Variants in GRIN3A observed in about 807,000 individuals in gnomAD.
GRIN3A encodes the protein glutamate receptor ionotropic, NMDA 3A.
A neutral mutation model predicts 92.4 loss-of-function variants in GRIN3A; 47 were observed. The ratio of observed to expected loss-of-function variants is 0.51; its 90% CI spans 0.40 to 0.65. The LOEUF is 0.65. Ranked by LOEUF, GRIN3A falls within the 30% of genes least tolerant of loss-of-function variation. GRIN3A has a pLI of 0.00. For missense variants in GRIN3A, 1,324 were observed against 1,393.1 expected, an observed-to-expected ratio of 0.95 and a Z score of 0.79; for synonymous variants, 527 against 540.6, an observed-to-expected ratio of 0.97 and a Z score of 0.35.
intron 6 of GRIN3A, among the ~76,000 whole-genome samples, chr9:101,605,900 C>T (rs1828274665): frequency 6.6e-6 from 1 of 152,132 alleles, no homozygotes; most frequent in Admixed American, 6.6e-5. Context: ...GAGGAGATCC[C>T]TGGATTCAGC....
At chr9:101,683,115 C>T (rs1219666243) in intron 2 of GRIN3A, among the ~76,000 whole-genome samples, 1 of 152,156 alleles carries the variant, frequency 6.6e-6, no homozygotes, top group Non-Finnish European at 1.5e-5. Flanking sequence ...CATGTGGGGA[C>T]CTAGGAAGAA....
In GRIN3A at chr9:101,569,730, T is replaced by C. The variant is rs551338289; in HGVS notation, c.*3444A>G. The stretch of plus-strand genomic sequence containing the variant: ...GTAGTATTAATGCCTAGAAAGCAAT[T>C]TCTGAAGAACTGGATGGGTTTTCTG... On this transcript the variant is annotated 3_prime_UTR_variant, in exon 9 of 9. Transcript: ENST00000361820. 4 of 152,308 alleles carry C rather than the reference T, an allele frequency of 2.6e-5. No homozygotes were observed. In the South Asian group the frequency reaches 8.3e-4, roughly 32 times the overall value. The allele number at this position is 152,308 out of a possible 1,614,324, so 9.4% of individuals were successfully genotyped here. A position where few individuals can be genotyped will look rare whatever the true frequency, so the allele number is the denominator to read the frequency against.
At chr9:101,718,349 A>G (rs1829972219) in intron 1 of GRIN3A, among the ~76,000 whole-genome samples, 2 of 152,042 alleles carry the variant, frequency 1.3e-5, no homozygotes, top group South Asian at 4.2e-4. Context: ...TGCACAGAAG[A>G]GCAAAGGATG....
intron 6 of GRIN3A, chr9:101,594,490 G>T: frequency 6.2e-7 from 1 of 1,614,098 alleles, no homozygotes; most frequent in Non-Finnish European, 8.5e-7. Flanking sequence ...TCTTCCCATC[G>T]CCATCCTTGT....
chr9:101,641,248 A>C (rs529704446), intron 3 of GRIN3A, among the ~76,000 whole-genome samples: 55 of 152,326 alleles, frequency 3.6e-4, no homozygotes, highest in African/African-American at 1.3e-3. Context: ...GGGATCTAGA[A>C]CTAGAAATAC....
At chr9:101,733,492 A>C (rs899065135) in intron 1 of GRIN3A, among the ~76,000 whole-genome samples, 1 of 152,236 alleles carries the variant, frequency 6.6e-6, no homozygotes, top group African/African-American at 2.4e-5. Flanking sequence ...AGATGCGACT[A>C]TCAGCTATTC....
chr9:101,685,437 C>T (rs1243893497), intron 2 of GRIN3A, among the ~76,000 whole-genome samples: 1 of 151,136 alleles, frequency 6.6e-6, no homozygotes, highest in Non-Finnish European at 1.5e-5. Context: ...TCCAGGATGG[C>T]CTAAAAACAG....
intron 1 of GRIN3A, among the ~76,000 whole-genome samples, chr9:101,700,140 A>G (rs1317825872): frequency 6.6e-6 from 1 of 152,194 alleles, no homozygotes; most frequent in Non-Finnish European, 1.5e-5. Context: ...TGTTCAGAAG[A>G]CAGAGATGCT....
intron 2 of GRIN3A, among the ~76,000 whole-genome samples, chr9:101,676,857 CT>C (rs1564142217): frequency 7.0e-6 from 1 of 142,488 alleles, no homozygotes. Context: ...AAACCTTCCC[CT>C]TTTCCTTTTT....
At chr9:101,630,587 T>C (rs1828697912) in intron 3 of GRIN3A, among the ~76,000 whole-genome samples, 1 of 152,202 alleles carries the variant, frequency 6.6e-6, no homozygotes, top group Admixed American at 6.5e-5. Context: ...GACATTCAGC[T>C]TTTGACAACT....
At chr9:101,608,433 A>T (rs1033252430) in intron 6 of GRIN3A, among the ~76,000 whole-genome samples, 7 of 152,070 alleles carry the variant, frequency 4.6e-5, no homozygotes, top group African/African-American at 1.7e-4. Context: ...AATGGAAAAA[A>T]TTTTGCTGTA....
At chr9:101,644,396 C>G (rs1467388501) in intron 3 of GRIN3A, among the ~76,000 whole-genome samples, 1 of 143,176 alleles carries the variant, frequency 7.0e-6, no homozygotes, top group African/African-American at 2.6e-5. Flanking sequence ...AGATCAAAGA[C>G]TTGATTATTG....
intron 3 of GRIN3A, among the ~76,000 whole-genome samples, chr9:101,651,993 C>G (rs762414038): frequency 2.0e-5 from 3 of 151,944 alleles, no homozygotes; most frequent in Non-Finnish European, 4.4e-5. Flanking sequence ...TTCATTTAGT[C>G]TCCTACAACT....
chr9:101,672,161 T>C (rs1489700842), intron 2 of GRIN3A, among the ~76,000 whole-genome samples: 1 of 152,108 alleles, frequency 6.6e-6, no homozygotes, highest in East Asian at 1.9e-4. Flanking sequence ...CCTGCTAACA[T>C]GGCCCTTGAA....
At chr9:101,732,945 A>C (rs112261782) in intron 1 of GRIN3A, among the ~76,000 whole-genome samples, 29 of 152,320 alleles carry the variant, frequency 1.9e-4, no homozygotes, top group African/African-American at 7.0e-4. Context: ...GCAACGAAAG[A>C]GGCAGATTGG....
intron 1 of GRIN3A, among the ~76,000 whole-genome samples, chr9:101,700,762 T>A (rs1190930492): frequency 6.6e-6 from 1 of 152,120 alleles, no homozygotes; most frequent in Non-Finnish European, 1.5e-5. Context: ...ATTATAGAAC[T>A]GGAGACATAA....
chr9:101,601,303 A>G (rs1183943470), intron 6 of GRIN3A, among the ~76,000 whole-genome samples: 1 of 152,220 alleles, frequency 6.6e-6, no homozygotes, highest in East Asian at 1.9e-4. Context: ...CCAGTAGGGA[A>G]AGCACACGTT....
chr9:101,717,235 T>C (rs1829958750), intron 1 of GRIN3A, among the ~76,000 whole-genome samples: 1 of 152,296 alleles, frequency 6.6e-6, no homozygotes, highest in Admixed American at 6.5e-5. Context: ...AAATGTGATT[T>C]TTTTTTCCCA....
At chr9:101,586,419 TA>T in intron 6 of GRIN3A, among the ~76,000 whole-genome samples, 1 of 152,180 alleles carries the variant, frequency 6.6e-6, no homozygotes, top group Non-Finnish European at 1.5e-5. Flanking sequence ...TAAATTTGCA[TA>T]ATTTCCCCCA....
Sources: allele counts gnomAD v4.1 joint callset (sites outside exome capture counted in the v4.1 genomes callset), GRCh38; gene constraint gnomAD v4.1.1; transcripts MANE v1.5; gene names NCBI Gene and HGNC (gene_info 2026-07-23, HGNC 2026-07-21).